Variants in MCTP1 observed in about 807,000 individuals in gnomAD.
The protein encoded by MCTP1 is multiple C2 and transmembrane domain containing 1.
A neutral mutation model predicts 120.6 loss-of-function variants in MCTP1; 69 were observed. The ratio of observed to expected loss-of-function variants is 0.57; its 90% CI spans 0.47 to 0.70. MCTP1 has a LOEUF of 0.70. Ranked by LOEUF, MCTP1 falls within the 30% of genes least tolerant of loss-of-function variation. The pLI is 0.00. For missense variants in MCTP1, 1,203 were observed against 1,248.8 expected (o/e 0.96, Z 0.55); for synonymous variants, 529 against 493.1 (o/e 1.07, Z -0.96).
At chr5:95,283,690 T>C (rs1582731855) in intron 1 of MCTP1, among the ~76,000 whole-genome samples, 166 bp downstream of exon 1, 1 of 152,398 alleles carries the variant, frequency 6.6e-6, no homozygotes, top group Middle Eastern at 3.4e-3. Flanking sequence ...TCATCTTTGC[T>C]AAACCAGAGC....
chr5:94,750,951 C>T (rs1768136487), intron 19 of MCTP1, among the ~76,000 whole-genome samples: 1 of 152,104 alleles, frequency 6.6e-6, no homozygotes, highest in African/African-American at 2.4e-5. Flanking sequence ...AGGAAATGTC[C>T]CCGTCATCCA....
chr5:94,751,080 T>C (rs1768174382), intron 19 of MCTP1, among the ~76,000 whole-genome samples: 1 of 152,072 alleles, frequency 6.6e-6, no homozygotes, highest in Non-Finnish European at 1.5e-5. Flanking sequence ...CAAGCACACC[T>C]TGAATGCAAG....
chr5:94,845,805 G>C (rs1337390824), intron 17 of MCTP1, among the ~76,000 whole-genome samples: 1 of 152,130 alleles, frequency 6.6e-6, no homozygotes. Flanking sequence ...ACCCTCCTTG[G>C]CCTTCCAAAG....
In MCTP1 at chr5:95,087,990, A is replaced by G. The variant is rs573123796; in HGVS notation, c.721-70506T>C. Reference sequence around the variant, plus strand: ...GATTTGCTCCCCATGTAGTCTGCCTACAGGAGCAAAATGCGCTGGGTGGGA... The same window carrying G: ...GATTTGCTCCCCATGTAGTCTGCCTGCAGGAGCAAAATGCGCTGGGTGGGA... On this transcript the variant is annotated intron_variant, in intron 1 of 22. Coordinates refer to ENST00000515393, the MANE Select transcript of MCTP1 (RefSeq NM_024717.7). Among the ~76,000 whole-genome samples the G allele has an allele frequency of 2.6e-5, 4 of 152,328 alleles. No individual in the cohort carries two copies. The East Asian group carries it at 5.8e-4, about 22-fold the overall frequency.
chr5:94,906,490 A>C (rs572899711), intron 10 of MCTP1, among the ~76,000 whole-genome samples: 1 of 152,126 alleles, frequency 6.6e-6, no homozygotes, highest in Non-Finnish European at 1.5e-5. Flanking sequence ...TGTCTCAAAA[A>C]CAAAAACAAG....
intron 19 of MCTP1, among the ~76,000 whole-genome samples, chr5:94,775,087 T>A (rs1047714959): frequency 1.3e-5 from 2 of 152,358 alleles, no homozygotes; most frequent in East Asian, 3.9e-4. Flanking sequence ...TAACTCTAGA[T>A]ATGTTTCATT....
chr5:94,860,500 C>T (rs1432414979), intron 17 of MCTP1, among the ~76,000 whole-genome samples: 1 of 151,660 alleles, frequency 6.6e-6, no homozygotes, highest in East Asian at 1.9e-4. Flanking sequence ...AAACAAACAC[C>T]TGTCCTTTAA....
chr5:95,284,678 G>C lies in MCTP1; in HGVS notation c.-103C>G. 1 of 1,057,796 alleles carries C rather than the reference G, an allele frequency of 9.5e-7. No individual in the cohort carries two copies. The highest frequency in any genetic ancestry group is 1.7e-5 in the African/African-American group (1 of 57,586). The allele number at this position is 1,057,796 out of a possible 1,614,324, so 65.5% of individuals were successfully genotyped here. A position where few individuals can be genotyped will look rare whatever the true frequency, so the allele number is the denominator to read the frequency against. ...CTCCCGGGTCCCCGCGGCGCTGGCG[G>C]TGGCGGCGGCGGCGGCGGCGGGCGC... is the stretch of plus-strand genomic sequence containing the variant. On this transcript the variant is annotated 5_prime_UTR_variant, in exon 1 of 23. Transcript: ENST00000515393. The surrounding 1 kb of genome is among the most constrained non-coding windows in gnomAD (Gnocchi z 5.2).
chr5:95,028,911 C>T (rs1839780676), intron 1 of MCTP1, among the ~76,000 whole-genome samples: 1 of 152,152 alleles, frequency 6.6e-6, no homozygotes, highest in African/African-American at 2.4e-5. Flanking sequence ...CCTGTAATCC[C>T]AGCACTTTGG....
chr5:94,819,078 A>AGTTT (rs1785056781), intron 17 of MCTP1, among the ~76,000 whole-genome samples: 1 of 140,226 alleles, frequency 7.1e-6, no homozygotes, highest in Non-Finnish European at 1.6e-5. Flanking sequence ...AACTACTTCA[A>AGTTT]ATTTATTTAT....
In MCTP1 at chr5:94,704,571, A is replaced by G. The variant is rs1006862875; in HGVS notation, c.*2925T>C. ...TGAGTTTTTCTTCACTTTTAAATGC[A>G]GAATAAAAATTTTATAAAAGATAAT... On this transcript the variant is annotated 3_prime_UTR_variant, in exon 23 of 23. Transcript: ENST00000515393. 4.0e-5 allele frequency: 6 copies of G among 151,360 alleles called. No individual in the cohort carries two copies. The highest frequency in any genetic ancestry group is 2.0e-4 in the Admixed American group (3 of 15,158). 9.4% of individuals were successfully genotyped at this position (151,360 alleles called of 1,614,324 possible). A position where few individuals can be genotyped will look rare whatever the true frequency, so the allele number is the denominator to read the frequency against.
chr5:95,241,384 A>G (rs186040740), intron 1 of MCTP1, among the ~76,000 whole-genome samples: 1 of 152,290 alleles, frequency 6.6e-6, no homozygotes, highest in Non-Finnish European at 1.5e-5. Context: ...TTATTTTTAG[A>G]ACATTAAGAA....
chr5:94,884,711 A>C (rs1800882312), intron 12 of MCTP1, among the ~76,000 whole-genome samples: 1 of 152,200 alleles, frequency 6.6e-6, no homozygotes, highest in Non-Finnish European at 1.5e-5. Flanking sequence ...AATGTTTTCT[A>C]GGCAGCCTGT....
At chr5:94,802,636 A>G (rs996994606) in intron 17 of MCTP1, among the ~76,000 whole-genome samples, 3 of 152,202 alleles carry the variant, frequency 2.0e-5, no homozygotes, top group Admixed American at 2.0e-4. Context: ...AAGAAACCCA[A>G]GGAGGGCCAA....
intron 18 of MCTP1, 56 bp downstream of exon 18, chr5:94,798,957 C>T (rs766038289): frequency 2.6e-6 from 4 of 1,563,772 alleles, no homozygotes; most frequent in South Asian, 1.2e-5. Flanking sequence ...TTGATCTTGT[C>T]AGAGGGACTC....
chr5:95,200,173 A>T (rs1750855340), intron 1 of MCTP1, among the ~76,000 whole-genome samples: 1 of 151,848 alleles, frequency 6.6e-6, no homozygotes, highest in African/African-American at 2.4e-5. Context: ...AAAAAAAAAA[A>T]GAAAAAGAGA....
chr5:94,773,892 T>C (rs908585423), intron 19 of MCTP1, among the ~76,000 whole-genome samples: 1 of 152,122 alleles, frequency 6.6e-6, no homozygotes, highest in African/African-American at 2.4e-5. Flanking sequence ...GATATTATTG[T>C]GTGCGGACAC....
intron 1 of MCTP1, among the ~76,000 whole-genome samples, chr5:95,019,216 T>C (rs1482119034): frequency 2.0e-5 from 3 of 152,102 alleles, no homozygotes; most frequent in African/African-American, 2.4e-5. Context: ...GTTTTGTACA[T>C]TGATTACCAC....
intron 17 of MCTP1, among the ~76,000 whole-genome samples, chr5:94,858,121 AGTTTAAGCT>A (rs561227732): frequency 1.8e-3 from 272 of 151,838 alleles, no homozygotes; most frequent in South Asian, 6.2e-3. Context: ...CAATATAGGT[AGTTTAAGCT>A]GTTTAAGCAA....
Sources: allele counts gnomAD v4.1 joint callset (sites outside exome capture counted in the v4.1 genomes callset), GRCh38; gene constraint gnomAD v4.1.1; non-coding constraint Gnocchi (gnomAD v3.1); transcripts MANE v1.5; gene names NCBI Gene and HGNC (gene_info 2026-07-23, HGNC 2026-07-21).